The following GANC variants were observed in gnomAD, a reference collection of about 807,000 sequenced individuals.
GANC encodes the protein neutral alpha-glucosidase C.
Under a neutral mutation model 124.2 loss-of-function variants are expected in GANC, and 117 were observed. The ratio of observed to expected loss-of-function variants is 0.94; its 90% CI spans 0.81 to 1.10. GANC has a LOEUF of 1.10. Among genes scored for constraint, GANC ranks in the 50% least tolerant of loss-of-function variants. The pLI is 0.00. For missense variants in GANC, 1,140 were observed against 1,095.0 expected (o/e 1.04, Z -0.58); for synonymous variants, 377 against 376.8 (o/e 1.00, Z -0.01).
intron 11 of GANC, among the ~76,000 whole-genome samples, chr15:42,323,529 G>A (rs1458696639): frequency 1.3e-5 from 2 of 151,160 alleles, no homozygotes; most frequent in South Asian, 2.1e-4. Context: ...TGGGGACAGA[G>A]TCTCACTCTG....
In GANC at chr15:42,274,175, T is replaced by A. The variant is rs971370811; in HGVS notation, c.-307T>A. On this transcript the variant is annotated 5_prime_UTR_variant, in exon 1 of 24. Transcript: ENST00000318010. Reference sequence around the variant, plus strand: ...TTGATTTTTACCCTCTAGGACTCATTGCGTACACGCCCTCACCGCCGCCCA... The same window carrying A: ...TTGATTTTTACCCTCTAGGACTCATAGCGTACACGCCCTCACCGCCGCCCA... 3.0e-4 allele frequency: 115 copies of A among 388,810 alleles called. No individual in the cohort carries two copies. The highest frequency in any genetic ancestry group is 2.2e-3 in the African/African-American group (103 of 47,348). 24.1% of individuals were successfully genotyped at this position (388,810 alleles called of 1,614,324 possible).
chr15:42,322,529 G>A (rs1448918256), intron 11 of GANC, among the ~76,000 whole-genome samples: 2 of 152,164 alleles, frequency 1.3e-5, no homozygotes, highest in Non-Finnish European at 2.9e-5. Context: ...CTGAGGCTTA[G>A]ATAGTTTGAA....
At chr15:42,312,696 T>C (rs952530969) in intron 10 of GANC, among the ~76,000 whole-genome samples, 2 of 152,116 alleles carry the variant, frequency 1.3e-5, no homozygotes, top group African/African-American at 4.8e-5. Flanking sequence ...TCCTGCACTT[T>C]GGGAGGCTGA....
At chr15:42,296,105 T>A (rs1335122860) in intron 5 of GANC, among the ~76,000 whole-genome samples, 2 of 150,686 alleles carry the variant, frequency 1.3e-5, no homozygotes, top group Non-Finnish European at 2.9e-5. Flanking sequence ...GATCATACCA[T>A]TGCTCCAGGC....
At chr15:42,274,564 A>G in intron 1 of GANC, 54 bp downstream of exon 1, 1 of 1,511,714 alleles carries the variant, frequency 6.6e-7, no homozygotes, top group Non-Finnish European at 9.0e-7. Flanking sequence ...AGAAACAGGG[A>G]ATAGTGTTTT....
At chr15:42,311,331 A>G (rs1043439546) in intron 10 of GANC, among the ~76,000 whole-genome samples, 3 of 152,248 alleles carry the variant, frequency 2.0e-5, no homozygotes, top group Non-Finnish European at 4.4e-5. Context: ...AATAAAAGAT[A>G]TCAAAATTGG....
intron 5 of GANC, among the ~76,000 whole-genome samples, chr15:42,296,142 CAAAA>C (rs79173534): frequency 6.2e-5 from 4 of 64,776 alleles, no homozygotes; most frequent in Non-Finnish European, 3.4e-5. Context: ...AACTCTGTCT[CAAAA>C]AAAAAAAAAA....
intron 22 of GANC, 51 bp downstream of exon 22, chr15:42,349,546 C>A: frequency 9.7e-7 from 1 of 1,035,296 alleles, no homozygotes; most frequent in Non-Finnish European, 1.5e-6. Flanking sequence ...TCACACTATC[C>A]GTTCAGCATC....
At chr15:42,294,109 G>A (rs2051868932) in intron 5 of GANC, among the ~76,000 whole-genome samples, 1 of 151,280 alleles carries the variant, frequency 6.6e-6, no homozygotes, top group African/African-American at 2.5e-5. Context: ...ATTTTGTTCT[G>A]TTTTCTTTTA....
chr15:42,310,399 T>C lies in GANC; in HGVS notation c.839T>C (p.Ile280Thr), dbSNP rs2052039273. 1 of 1,613,902 alleles carries C rather than the reference T, an allele frequency of 6.2e-7. No individual in the cohort carries two copies. ...YLLAHKLGRT[I>T]GIFWLNASET... The stretch of plus-strand genomic sequence containing the variant: ...CTGGCCCACAAACTGGGCAGAACTA[T>C]AGGTATTTTCTGGCTGAATGCCTCG... The change falls in exon 9 of 24, where the codon ATA becomes ACA. Residue 280 changes from isoleucine to threonine, a missense_variant. Ile to Thr is a moderately conservative substitution (Grantham distance 89, BLOSUM62 -1). Coordinates refer to ENST00000318010, the MANE Select transcript of GANC (RefSeq NM_198141.3).
intron 16 of GANC, among the ~76,000 whole-genome samples, chr15:42,339,212 C>T (rs2141073036): frequency 6.6e-6 from 1 of 151,906 alleles, no homozygotes; most frequent in Non-Finnish European, 1.5e-5. Flanking sequence ...AGAACCTCTA[C>T]TTCTGATTAT....
chr15:42,287,539 A>G, intron 3 of GANC, 152 bp from the exon 4 acceptor site: 1 of 691,120 alleles, frequency 1.4e-6, no homozygotes, highest in Non-Finnish European at 2.3e-6. Context: ...ACATACATAA[A>G]CTGGGGAGCT....
At chr15:42,350,504 A>G (rs934668710) in intron 22 of GANC, among the ~76,000 whole-genome samples, 41 of 150,500 alleles carry the variant, frequency 2.7e-4, no homozygotes, top group African/African-American at 1.0e-3. Flanking sequence ...TGTTAAAAAG[A>G]GCCTGATTTG....
Position 42,287,811 on chromosome 15 carries a change from A to G in GANC, c.322A>G (p.Thr108Ala). Residue 108 changes from threonine to alanine, a missense_variant, in exon 4 of 24, where the codon ACT becomes GCT. Coordinates refer to ENST00000318010, the MANE Select transcript of GANC (RefSeq NM_198141.3). ...GGATGTCCTCACAAGCAAGCCAAGCACTGTAAGGTAAGCCAAGGAGCGAGG... is the reference window on the plus strand; with the variant it reads ...GGATGTCCTCACAAGCAAGCCAAGCGCTGTAAGGTAAGCCAAGGAGCGAGG... ...VPDVLTSKPS[T>A]VRLISCSGDT... is the part of the protein sequence containing the mutation. The G allele has an allele frequency of 1.2e-6, 2 of 1,611,072 alleles. No individual in the cohort carries two copies. The highest frequency in any genetic ancestry group is 1.3e-5 in the African/African-American group (1 of 74,844).
chr15:42,280,805 TCAACACAGCGTGATAC>T, intron 3 of GANC: 1 of 614,076 alleles, frequency 1.6e-6, no homozygotes, highest in Non-Finnish European at 2.9e-6. Flanking sequence ...ATGAAAATTC[TCAACACAGCGTGATAC>T]CAGTTTGCGG....
intron 9 of GANC, 98 bp downstream of exon 9, chr15:42,310,561 C>A: frequency 6.9e-7 from 1 of 1,459,512 alleles, no homozygotes; most frequent in South Asian, 1.4e-5. Flanking sequence ...ACTTCTCTGC[C>A]AACAAAAGCT....
intron 15 of GANC, among the ~76,000 whole-genome samples, chr15:42,331,789 A>G (rs2052247487): frequency 6.6e-6 from 1 of 152,206 alleles, no homozygotes; most frequent in Admixed American, 6.5e-5. Context: ...GAGGCTATTT[A>G]TGTTTAAAAA....
intron 4 of GANC, among the ~76,000 whole-genome samples, chr15:42,288,316 G>T (rs1302389819): frequency 6.6e-6 from 1 of 152,156 alleles, no homozygotes; most frequent in Non-Finnish European, 1.5e-5. Flanking sequence ...TAGTGTCAAG[G>T]TAAATTAATA....
At chr15:42,344,104 C>T (rs1406061255) in intron 19 of GANC, among the ~76,000 whole-genome samples, 2 of 152,226 alleles carry the variant, frequency 1.3e-5, no homozygotes, top group African/African-American at 2.4e-5. Flanking sequence ...CATCCAGCGC[C>T]GTGCTCTCCC....
Sources: allele counts gnomAD v4.1 joint callset (sites outside exome capture counted in the v4.1 genomes callset), GRCh38; gene constraint gnomAD v4.1.1; transcripts MANE v1.5; gene names NCBI Gene and HGNC (gene_info 2026-07-23, HGNC 2026-07-21).